Variants in THSD4 observed in about 807,000 individuals in gnomAD.
The protein encoded by THSD4 is thrombospondin type-1 domain-containing protein 4.
A neutral mutation model predicts 119.0 loss-of-function variants in THSD4; 69 were observed. The ratio of observed to expected loss-of-function variants is 0.58; its 90% CI spans 0.48 to 0.71. The LOEUF (loss-of-function observed/expected upper bound fraction) is 0.71, where lower values mean the gene tolerates loss of function less well. Ranked by LOEUF, THSD4 falls within the 30% of genes least tolerant of loss-of-function variation. The pLI, the probability that THSD4 is intolerant of heterozygous loss-of-function variation, is 0.00. For synonymous variants in THSD4, 524 were observed against 540.4 expected, an observed-to-expected ratio of 0.97 and a Z score of 0.42; for missense variants, 1,393 against 1,391.1, an observed-to-expected ratio of 1.00 and a Z score of -0.02.
intron 7 of THSD4, among the ~76,000 whole-genome samples, chr15:71,619,116 C>CCCA (rs987348754): frequency 6.6e-6 from 1 of 151,756 alleles, no homozygotes; most frequent in Non-Finnish European, 1.5e-5. Context: ...ATTACAGGTG[C>CCCA]CCACCACCAC....
At chr15:71,475,256 G>A (rs1393034312) in intron 7 of THSD4, among the ~76,000 whole-genome samples, 1 of 152,210 alleles carries the variant, frequency 6.6e-6, no homozygotes, top group African/African-American at 2.4e-5. Context: ...CTGCACATAT[G>A]TGTGAGTTTA....
intron 6 of THSD4, among the ~76,000 whole-genome samples, chr15:71,311,075 G>A (rs1249135952): frequency 6.6e-6 from 1 of 152,194 alleles, no homozygotes; most frequent in East Asian, 1.9e-4. Context: ...ACAGTCCTCA[G>A]GGCCTGGAGC....
chr15:71,704,977 A>G (rs1043159816), intron 8 of THSD4, among the ~76,000 whole-genome samples: 4 of 152,224 alleles, frequency 2.6e-5, no homozygotes. Flanking sequence ...CAAATCAGAG[A>G]GAAACCAGTG....
intron 6 of THSD4, among the ~76,000 whole-genome samples, chr15:71,275,082 T>A (rs1488996110): frequency 1.3e-5 from 2 of 152,032 alleles, no homozygotes; most frequent in Non-Finnish European, 2.9e-5. Flanking sequence ...AGTATTCTAG[T>A]GTTCCTACTC....
chr15:71,709,026 T>C (rs777152058), intron 8 of THSD4, among the ~76,000 whole-genome samples: 13 of 152,062 alleles, frequency 8.5e-5, no homozygotes, highest in Non-Finnish European at 1.5e-4. Flanking sequence ...ACGTGGGAGG[T>C]AGAGTCGCGT....
At chr15:71,542,203 G>A (rs1252508240) in intron 7 of THSD4, among the ~76,000 whole-genome samples, 2 of 152,196 alleles carry the variant, frequency 1.3e-5, no homozygotes, top group African/African-American at 4.8e-5. Context: ...ATCTACAGAT[G>A]AGTATTAAAA....
intron 6 of THSD4, among the ~76,000 whole-genome samples, chr15:71,260,285 AT>A (rs1447126156): frequency 6.6e-6 from 1 of 152,118 alleles, no homozygotes; most frequent in African/African-American, 2.4e-5. Context: ...TTTTTTGAAC[AT>A]TTGATTTAAC....
intron 6 of THSD4, among the ~76,000 whole-genome samples, chr15:71,363,030 G>T (rs1303534415): frequency 6.6e-6 from 1 of 151,282 alleles, no homozygotes; most frequent in African/African-American, 2.4e-5. Context: ...GAAAGCTCTT[G>T]AATTTGTGTT....
chr15:71,129,467 C>T lies in THSD4; in HGVS notation c.-79-11982C>T, dbSNP rs931812324. Reference sequence around the variant, plus strand: ...CATCGTAGCCATTGATGACAAAGTTCAAGAAAAAGGGGGATAGTGACAGCC... The same window carrying T: ...CATCGTAGCCATTGATGACAAAGTTTAAGAAAAAGGGGGATAGTGACAGCC... On this transcript the variant is annotated intron_variant, in intron 1 of 17. Transcript: ENST00000261862. 5.3e-5 allele frequency among the ~76,000 whole-genome samples: 8 copies of T among 152,024 alleles called. 1 individual carries two copies. The highest frequency in any genetic ancestry group is 1.7e-4 in the African/African-American group (7 of 41,418).
At chr15:71,459,178 T>C (rs1170963508) in intron 7 of THSD4, among the ~76,000 whole-genome samples, 1 of 133,990 alleles carries the variant, frequency 7.5e-6, no homozygotes, top group Non-Finnish European at 1.7e-5. Context: ...TTTTTTTTTT[T>C]GACAGAGTCT....
intron 16 of THSD4, 30 bp from the exon 17 acceptor site, chr15:71,771,034 A>T: frequency 6.2e-7 from 1 of 1,608,728 alleles, no homozygotes; most frequent in African/African-American, 1.3e-5. Context: ...CTGCCCAAAA[A>T]TCTGATGTTT....
At chr15:71,390,727 A>T (rs1229359913) in intron 6 of THSD4, among the ~76,000 whole-genome samples, 2 of 152,274 alleles carry the variant, frequency 1.3e-5, no homozygotes, top group East Asian at 3.9e-4. Context: ...GGGAGTAGGA[A>T]TAACTGGGAT....
intron 14 of THSD4, among the ~76,000 whole-genome samples, chr15:71,752,731 G>A (rs2053470038): frequency 6.6e-6 from 1 of 152,178 alleles, no homozygotes; most frequent in Admixed American, 6.5e-5. Flanking sequence ...TTGAAGCTAT[G>A]ACCTAGATGA....
intron 7 of THSD4, among the ~76,000 whole-genome samples, chr15:71,567,058 G>A (rs974029448): frequency 1.3e-5 from 2 of 152,110 alleles, no homozygotes; most frequent in South Asian, 2.1e-4. Context: ...GCATAGCAAC[G>A]CTAAAAGTTA....
intron 7 of THSD4, among the ~76,000 whole-genome samples, chr15:71,502,520 T>C (rs2048127039): frequency 6.6e-6 from 1 of 152,220 alleles, no homozygotes. Context: ...CTGAAAATCT[T>C]TCAATTTTAA....
intron 7 of THSD4, among the ~76,000 whole-genome samples, chr15:71,462,848 T>C (rs2047446989): frequency 1.3e-5 from 2 of 152,352 alleles, no homozygotes; most frequent in Admixed American, 1.3e-4. Context: ...GTGACAAGTA[T>C]TTGTTGAATG....
intron 7 of THSD4, among the ~76,000 whole-genome samples, chr15:71,583,291 C>A (rs930578639): frequency 2.8e-4 from 43 of 152,132 alleles, no homozygotes; most frequent in African/African-American, 9.9e-4. Context: ...ATTGTTTGAG[C>A]CTTTGACTCT....
At chr15:71,503,702 G>A (rs1336064747) in intron 7 of THSD4, among the ~76,000 whole-genome samples, 2 of 152,146 alleles carry the variant, frequency 1.3e-5, no homozygotes, top group Admixed American at 6.5e-5. Flanking sequence ...GCAAAGGGGG[G>A]CCTGGGCTAT....
chr15:71,336,554 G>C (rs953629514), intron 6 of THSD4, among the ~76,000 whole-genome samples: 11 of 152,140 alleles, frequency 7.2e-5, no homozygotes, highest in African/African-American at 2.7e-4. Flanking sequence ...ATTCCACGTG[G>C]AACCATATCT....
Sources: allele counts gnomAD v4.1 joint callset (sites outside exome capture counted in the v4.1 genomes callset), GRCh38; gene constraint gnomAD v4.1.1; transcripts MANE v1.5; gene names NCBI Gene and HGNC (gene_info 2026-07-23, HGNC 2026-07-21).